FBXL17: variants seen among roughly 807,000 people sequenced by gnomAD.
FBXL17 encodes the protein F-box/LRR-repeat protein 17.
Under a neutral mutation model 66.2 loss-of-function variants are expected in FBXL17, and 22 were observed. That is an observed-to-expected ratio of 0.33 (90% CI 0.24 to 0.47). The LOEUF (loss-of-function observed/expected upper bound fraction) is 0.47. Among genes scored for constraint, FBXL17 ranks in the 20% least tolerant of loss-of-function variants. The pLI, the probability that FBXL17 is intolerant of heterozygous loss-of-function variation, is 1.00. For missense variants in FBXL17, 878 were observed against 948.2 expected, an observed-to-expected ratio of 0.93 and a Z score of 0.97; for synonymous variants, 474 against 400.5, an observed-to-expected ratio of 1.18 and a Z score of -2.19.
intron 4 of FBXL17, among the ~76,000 whole-genome samples, chr5:108,295,977 A>AC (rs1758333252): frequency 1.3e-5 from 2 of 149,174 alleles, no homozygotes; most frequent in East Asian, 1.9e-4. Flanking sequence ...AAAAAAAAAA[A>AC]AAAACCTTTC....
chr5:108,154,606 A>AAAAAT (rs1412644290), intron 6 of FBXL17, among the ~76,000 whole-genome samples: 2 of 96,730 alleles, frequency 2.1e-5, no homozygotes, highest in African/African-American at 8.8e-5. Flanking sequence ...AAAAAAAAAA[A>AAAAAT]ATATATATAT....
intron 7 of FBXL17, among the ~76,000 whole-genome samples, chr5:107,944,349 A>G (rs1751213228): frequency 6.6e-6 from 1 of 152,180 alleles, no homozygotes; most frequent in Non-Finnish European, 1.5e-5. Context: ...TTATTTCAAA[A>G]TAGTTTGAGA....
intron 3 of FBXL17, among the ~76,000 whole-genome samples, chr5:108,355,502 C>T (rs1158995522): frequency 1.3e-5 from 2 of 151,906 alleles, no homozygotes; most frequent in Admixed American, 6.6e-5. Flanking sequence ...AGGCTGGTCT[C>T]GAACTCCTGA....
intron 5 of FBXL17, among the ~76,000 whole-genome samples, chr5:108,205,259 A>G (rs1754070234): frequency 6.6e-6 from 1 of 152,020 alleles, no homozygotes; most frequent in African/African-American, 2.4e-5. Flanking sequence ...ATGCACTTTT[A>G]TCTTTTTCTT....
chr5:108,210,639 C>T (rs1440737095), intron 5 of FBXL17, among the ~76,000 whole-genome samples: 17 of 152,314 alleles, frequency 1.1e-4, no homozygotes, highest in African/African-American at 3.1e-4. Context: ...GTCTCTTAAT[C>T]GTGAGTTCTA....
intron 7 of FBXL17, among the ~76,000 whole-genome samples, chr5:108,001,511 T>G (rs76995423): frequency 2.0e-5 from 3 of 152,186 alleles, no homozygotes; most frequent in South Asian, 2.1e-4. Flanking sequence ...TATTTTTTTT[T>G]GTTTTTTGAG....
At chr5:108,044,782 GA>G (rs1287674796) in intron 6 of FBXL17, among the ~76,000 whole-genome samples, 4 of 151,950 alleles carry the variant, frequency 2.6e-5, no homozygotes, top group African/African-American at 9.7e-5. Context: ...TATTTTGGGG[GA>G]TTTTTTTTTT....
At chr5:108,358,478 A>G (rs1365404601) in intron 3 of FBXL17, among the ~76,000 whole-genome samples, 1 of 152,032 alleles carries the variant, frequency 6.6e-6, no homozygotes, top group Non-Finnish European at 1.5e-5. Context: ...TTAATGTGGT[A>G]TATTACATTG....
At chr5:108,293,466 T>A (rs888372187) in intron 4 of FBXL17, among the ~76,000 whole-genome samples, 2 of 152,136 alleles carry the variant, frequency 1.3e-5, no homozygotes, top group African/African-American at 4.8e-5. Context: ...CCTCTATAAT[T>A]TCCCTAAGTC....
chr5:108,270,494 T>G (rs965777223), intron 4 of FBXL17, among the ~76,000 whole-genome samples: 2 of 149,508 alleles, frequency 1.3e-5, no homozygotes, highest in Non-Finnish European at 3.0e-5. Context: ...ATCACATATT[T>G]AGCAACAATT....
intron 6 of FBXL17, among the ~76,000 whole-genome samples, chr5:108,157,165 TG>T (rs1490260140): frequency 6.8e-6 from 1 of 146,414 alleles, no homozygotes; most frequent in East Asian, 2.0e-4. Flanking sequence ...CTCCTATCTA[TG>T]GCACTGAACA....
intron 8 of FBXL17, among the ~76,000 whole-genome samples, chr5:107,876,710 G>A (rs1748623939): frequency 6.6e-6 from 1 of 151,956 alleles, no homozygotes; most frequent in African/African-American, 2.4e-5. Flanking sequence ...GCTTTATCAT[G>A]ATTTTTTTTG....
chr5:107,917,834 A>G (rs1750180679), intron 7 of FBXL17, among the ~76,000 whole-genome samples: 1 of 152,216 alleles, frequency 6.6e-6, no homozygotes, highest in African/African-American at 2.4e-5. Context: ...GAAAGCTTAA[A>G]ACTAGGAGAA....
At chr5:108,265,543 G>T (rs114903077) in intron 4 of FBXL17, among the ~76,000 whole-genome samples, 2,352 of 152,072 alleles carry the variant, frequency 0.015, 67 homozygotes, top group African/African-American at 0.054. Context: ...ACTGTATTTT[G>T]TTAATCTCTA....
rs5870295 is a variant in FBXL17 at position 108,083,571 on chromosome 5, AT to A, written c.1746-62571del. On this transcript the variant is annotated intron_variant, in intron 6 of 8. Coordinates refer to ENST00000542267, the MANE Select transcript of FBXL17 (RefSeq NM_001163315.3). Reference sequence around the variant, plus strand: ...CATCCCACCATATTTTTTGTGGCTAATTTTTTTTTTTTTTTTGGTAGAGACA... The same window carrying A: ...CATCCCACCATATTTTTTGTGGCTAATTTTTTTTTTTTTTTGGTAGAGACA... 3.2e-3 allele frequency among the ~76,000 whole-genome samples: 452 copies of A among 142,364 alleles called. 2 individuals are homozygous for A. The highest frequency in any genetic ancestry group is 9.5e-3 in the African/African-American group (367 of 38,546). The allele number at this position is 142,364 out of a possible 152,430, so 93.4% of individuals were successfully genotyped here.
Position 107,884,776 on chromosome 5 carries a change from T to C in FBXL17, c.1823-3597A>G, listed in dbSNP as rs76082836. 6.2e-4 allele frequency among the ~76,000 whole-genome samples: 95 copies of C among 152,318 alleles called. 1 individual carries two copies. The East Asian group carries it at 0.01, about 17-fold the overall frequency. ...CTTACCTGGACAATGGGGAGGTTGA[T>C]TATTTGTCCTGTCTACTTCATGAGA... On this transcript the variant is annotated intron_variant, in intron 7 of 8. Transcript: ENST00000542267.
At chr5:107,980,664 A>ATATATATATATATATATATATATTTTTTT in intron 7 of FBXL17, among the ~76,000 whole-genome samples, 8 of 62,048 alleles carry the variant, frequency 1.3e-4, no homozygotes, top group Non-Finnish European at 2.2e-4. Context: ...ATATATATAT[A>ATATATATATATATATATATATATTTTTTT]TTTTTTTTTT....
chr5:108,058,267 G>A (rs1289230212), intron 6 of FBXL17, among the ~76,000 whole-genome samples: 1 of 152,140 alleles, frequency 6.6e-6, no homozygotes, highest in Non-Finnish European at 1.5e-5. Flanking sequence ...ATATCTAAGT[G>A]GCAGATTTAA....
At chr5:108,363,811 T>C (rs1057210829) in intron 3 of FBXL17, among the ~76,000 whole-genome samples, 4 of 151,992 alleles carry the variant, frequency 2.6e-5, no homozygotes, top group Non-Finnish European at 5.9e-5. Flanking sequence ...AATGTTTCAT[T>C]GTGAAAAATA....
Sources: gnomAD v4.1 joint callset for allele counts (sites outside exome capture counted in the v4.1 genomes callset) on GRCh38, gnomAD v4.1.1 for gene constraint, MANE v1.5 for transcripts, NCBI Gene and HGNC (gene_info 2026-07-23, HGNC 2026-07-21) for gene names.